GABRR2: variants seen among roughly 807,000 people sequenced by gnomAD.
The protein encoded by GABRR2 is gamma-aminobutyric acid type A receptor subunit rho2, also known as gamma-aminobutyric acid receptor subunit rho-2.
Under a neutral mutation model 47.0 loss-of-function variants are expected in GABRR2, and 36 were observed. The ratio of observed to expected loss-of-function variants is 0.77; its 90% CI spans 0.59 to 1.01. The LOEUF (loss-of-function observed/expected upper bound fraction) is 1.01, where lower values mean the gene tolerates loss of function less well. GABRR2 is among the 50% of genes least tolerant of loss of function. The pLI is 0.00. For missense variants in GABRR2, 587 were observed against 594.6 expected (o/e 0.99, Z 0.13); for synonymous variants, 204 against 227.5 (o/e 0.90, Z 0.93).
At chr6:89,270,868 C>T (rs1425300288) in intron 3 of GABRR2, among the ~76,000 whole-genome samples, 6 of 152,108 alleles carry the variant, frequency 3.9e-5, no homozygotes, top group Non-Finnish European at 7.3e-5. Flanking sequence ...AGCTTATAGT[C>T]AAGCATGGAA....
intron 2 of GABRR2, among the ~76,000 whole-genome samples, chr6:89,292,175 C>T (rs1387289959): frequency 1.3e-5 from 2 of 151,694 alleles, no homozygotes; most frequent in Non-Finnish European, 2.9e-5. Context: ...TTTTTCCCGG[C>T]CATTCTGACA....
chr6:89,258,541 A>C (rs1202423077), intron 8 of GABRR2, among the ~76,000 whole-genome samples: 2 of 69,526 alleles, frequency 2.9e-5, no homozygotes, highest in South Asian at 8.3e-4. Flanking sequence ...CTCCTTCTCT[A>C]AAAAAAAAAA....
intron 2 of GABRR2, among the ~76,000 whole-genome samples, chr6:89,297,094 C>T (rs1166864837): frequency 2.6e-5 from 4 of 152,170 alleles, no homozygotes; most frequent in South Asian, 2.1e-4. Flanking sequence ...CACTGAGGCA[C>T]GGCCACGTTA....
At chr6:89,304,049 AG>A (rs1767508954) in intron 1 of GABRR2, among the ~76,000 whole-genome samples, 1 of 152,214 alleles carries the variant, frequency 6.6e-6, no homozygotes, top group East Asian at 1.9e-4. Flanking sequence ...GAAGTGGGAA[AG>A]ATTTCATGAT....
chr6:89,291,958 T>C (rs971344171), intron 2 of GABRR2, among the ~76,000 whole-genome samples: 6 of 152,118 alleles, frequency 3.9e-5, no homozygotes, highest in Non-Finnish European at 7.4e-5. Context: ...CCAGTGGCCC[T>C]CACAATTTGG....
chr6:89,259,100 A>G lies in GABRR2; in HGVS notation c.1087-1119T>C, dbSNP rs73752714. On this transcript the variant is annotated intron_variant, in intron 8 of 8. Coordinates refer to ENST00000402938, the MANE Select transcript of GABRR2 (RefSeq NM_002043.5). Reference sequence around the variant, plus strand: ...ATGGTTTCGCTTGACTTCTCCCCATAGTTTAGTCAGTAGAGAGTGGGCTTC... The same window carrying G: ...ATGGTTTCGCTTGACTTCTCCCCATGGTTTAGTCAGTAGAGAGTGGGCTTC... Among the ~76,000 whole-genome samples the G allele has an allele frequency of 3.1e-3, 477 of 152,064 alleles. 3 individuals carry two copies. The highest frequency in any genetic ancestry group is 0.011 in the African/African-American group (446 of 41,480).
chr6:89,291,435 T>C (rs1435655261), intron 2 of GABRR2, among the ~76,000 whole-genome samples: 1 of 152,074 alleles, frequency 6.6e-6, no homozygotes, highest in African/African-American at 2.4e-5. Context: ...TGCTCCAGCC[T>C]TCTTTTGGTA....
intron 1 of GABRR2, among the ~76,000 whole-genome samples, chr6:89,307,028 C>T (rs1767580223): frequency 6.6e-6 from 1 of 152,210 alleles, no homozygotes; most frequent in Non-Finnish European, 1.5e-5. Context: ...GCACTTAGCA[C>T]AATGCCCGGC....
In GABRR2 at chr6:89,256,921, A is replaced by T. The variant is rs1283693703; in HGVS notation, c.*749T>A. Reference sequence around the variant, plus strand: ...CCTTATATGCCTAAGAGTAAAAGCAACAGCAAACAGAATGGGTCTGTGGGG... The same window carrying T: ...CCTTATATGCCTAAGAGTAAAAGCATCAGCAAACAGAATGGGTCTGTGGGG... On this transcript the variant is annotated 3_prime_UTR_variant, in exon 9 of 9. Coordinates refer to ENST00000402938, the MANE Select transcript of GABRR2 (RefSeq NM_002043.5). Among the ~76,000 whole-genome samples the T allele has an allele frequency of 1.3e-5, 2 of 152,208 alleles. No homozygotes were observed. Among genetic ancestry groups the T allele is most frequent in the Non-Finnish European group, 2.9e-5 (2 of 68,036 alleles).
intron 2 of GABRR2, among the ~76,000 whole-genome samples, chr6:89,278,129 A>T (rs1774198755): frequency 6.6e-6 from 1 of 152,262 alleles, no homozygotes; most frequent in Non-Finnish European, 1.5e-5. Context: ...ATGCAATAAC[A>T]TAAGAGATTT....
At chr6:89,293,747 A>G (rs1774508248) in intron 2 of GABRR2, among the ~76,000 whole-genome samples, 1 of 152,252 alleles carries the variant, frequency 6.6e-6, no homozygotes, top group South Asian at 2.1e-4. Flanking sequence ...TGATCCTGCC[A>G]CTGCATTCCA....
intron 1 of GABRR2, among the ~76,000 whole-genome samples, chr6:89,306,482 C>T (rs1767561412): frequency 6.6e-6 from 1 of 152,348 alleles, no homozygotes; most frequent in Admixed American, 6.5e-5. Flanking sequence ...ATGCTCCTTA[C>T]TTCAGTCCAG....
At chr6:89,262,932 C>A (rs1402035534) in intron 8 of GABRR2, among the ~76,000 whole-genome samples, 2 of 152,152 alleles carry the variant, frequency 1.3e-5, no homozygotes, top group African/African-American at 2.4e-5. Flanking sequence ...TTTGCACAGA[C>A]CTAACACTAA....
In GABRR2 at chr6:89,268,019, T is replaced by C; in HGVS notation, c.590A>G (p.Glu197Gly). The part of the protein sequence containing the change: ...LDSQTCSLEL[E>G]SYAYTDEDLM... ...TTAGGAATGCTGATACTTACAGCTCTCCAGCTCCAAAGAACAGGTCTGGGA... is the reference window on the plus strand; with the variant it reads ...TTAGGAATGCTGATACTTACAGCTCCCCAGCTCCAAAGAACAGGTCTGGGA... Residue 197 changes from glutamate (E) to glycine (G), a missense_variant, in exon 5 of 9, where the codon GAG (glutamate) becomes GGG (glycine). Glu to Gly is a moderately conservative substitution (Grantham distance 98, BLOSUM62 -2). Transcript: ENST00000402938. 1 of 1,611,104 alleles carries C rather than the reference T, an allele frequency of 6.2e-7. No homozygotes were observed. The highest frequency in any genetic ancestry group is 1.1e-5 in the South Asian group (1 of 90,578).
At chr6:89,277,855 T>C (rs1395488998) in intron 2 of GABRR2, among the ~76,000 whole-genome samples, 1 of 2,596 alleles carries the variant, frequency 3.9e-4, no homozygotes, top group African/African-American at 2.2e-3. Flanking sequence ...ACCTTGCCAG[T>C]GGTGGGCGGG....
intron 8 of GABRR2, among the ~76,000 whole-genome samples, chr6:89,261,048 A>G (rs1313262807): frequency 6.6e-6 from 1 of 152,176 alleles, no homozygotes; most frequent in Non-Finnish European, 1.5e-5. Flanking sequence ...GGCCCTCTCC[A>G]TAGATGACTT....
intron 6 of GABRR2, among the ~76,000 whole-genome samples, chr6:89,267,311 G>C (rs1221830393): frequency 6.6e-6 from 1 of 152,086 alleles, no homozygotes. Context: ...CACGCCTGTA[G>C]TCCCAGCACT....
intron 1 of GABRR2, among the ~76,000 whole-genome samples, chr6:89,300,760 A>T (rs903723344): frequency 1.3e-4 from 19 of 150,998 alleles, no homozygotes; most frequent in African/African-American, 4.4e-4. Context: ...AAAAAAAAAA[A>T]AAAAAAGGCC....
intron 2 of GABRR2, among the ~76,000 whole-genome samples, chr6:89,288,924 TA>T (rs1344983952): frequency 5.3e-5 from 8 of 152,206 alleles, no homozygotes; most frequent in Non-Finnish European, 1.2e-4. Flanking sequence ...ATTGTAGGCG[TA>T]AGACACCGTG....
Sources: allele counts gnomAD v4.1 joint callset (sites outside exome capture counted in the v4.1 genomes callset), GRCh38; gene constraint gnomAD v4.1.1; transcripts MANE v1.5; gene names NCBI Gene and HGNC (gene_info 2026-07-23, HGNC 2026-07-21).